The following DCTN4 variants were observed in gnomAD, a reference collection of about 807,000 sequenced individuals.
DCTN4 encodes dynactin 4 (p62).
A neutral mutation model predicts 62.7 loss-of-function variants in DCTN4; 23 were observed. That is an observed-to-expected ratio of 0.37 (90% CI 0.26 to 0.52). The LOEUF is 0.52. Among genes scored for constraint, DCTN4 ranks in the 20% least tolerant of loss-of-function variants. The pLI, the probability that DCTN4 is intolerant of heterozygous loss-of-function variation, is 0.92. For synonymous variants in DCTN4, 199 were observed against 202.1 expected (o/e 0.98, Z 0.13); for missense variants, 514 against 580.4 (o/e 0.89, Z 1.18).
At position 150,733,414 on chromosome 5, in the gene DCTN4, C is replaced by T. The variant is rs1243341288; in HGVS notation, c.491G>A (p.Arg164His). The T allele has an allele frequency of 9.3e-6, 15 of 1,613,862 alleles. No individual in the cohort carries two copies. Among genetic ancestry groups the T allele is most frequent in the South Asian group, 2.2e-5 (2 of 91,064 alleles). The change falls in exon 5 of 13, where the codon CGC becomes CAC. Residue 164 changes from arginine to histidine, a missense_variant. By Grantham distance (29) the Arg-to-His change is conservative. Transcript: ENST00000447998. ...LAQKEKVERD[R>H]KKLARRRNYM... is the part of the protein sequence containing the mutation. ...GTTTCTACGTCGTGCCAGTTTCTTG[C>T]GATCTCGCTCAACCTTCTCTTTCTG...
intron 1 of DCTN4, 93 bp from the exon 2 acceptor site, chr5:150,756,580 T>C (rs1042915353): frequency 1.7e-5 from 12 of 696,794 alleles, no homozygotes; most frequent in Non-Finnish European, 2.8e-5. Flanking sequence ...TAAAATATGT[T>C]ATACTGTAGC....
At chr5:150,749,559 T>C (rs1456057444) in intron 3 of DCTN4, among the ~76,000 whole-genome samples, 1 of 152,156 alleles carries the variant, frequency 6.6e-6, no homozygotes, top group Admixed American at 6.5e-5. Context: ...TTCATGCTTT[T>C]AATCCCAGCA....
At chr5:150,713,855 G>C (rs949841875) in intron 12 of DCTN4, among the ~76,000 whole-genome samples, 5 of 152,038 alleles carry the variant, frequency 3.3e-5, no homozygotes, top group African/African-American at 1.2e-4. Context: ...GGTGGCTCAC[G>C]CCTGTAATCC....
intron 8 of DCTN4, among the ~76,000 whole-genome samples, chr5:150,727,866 T>C (rs1414909496): frequency 1.3e-5 from 2 of 151,750 alleles, no homozygotes; most frequent in Non-Finnish European, 2.9e-5. Context: ...TGAAATAACA[T>C]TTCAGCTAAA....
At chr5:150,715,878 C>A (rs1362637333) in intron 11 of DCTN4, among the ~76,000 whole-genome samples, 1 of 151,982 alleles carries the variant, frequency 6.6e-6, no homozygotes, top group East Asian at 1.9e-4. Flanking sequence ...AACATGGGGG[C>A]TTCAATTGTG....
intron 4 of DCTN4, among the ~76,000 whole-genome samples, chr5:150,741,164 CAA>C (rs754641920): frequency 4.3e-4 from 25 of 58,336 alleles, no homozygotes; most frequent in African/African-American, 8.2e-4. Flanking sequence ...GATCCTGTCT[CAA>C]AAAAAAAAAA....
chr5:150,750,355 A>C (rs573668422), intron 3 of DCTN4, among the ~76,000 whole-genome samples: 6 of 152,366 alleles, frequency 3.9e-5, no homozygotes, highest in Admixed American at 1.3e-4. Flanking sequence ...CTGGAGCTAC[A>C]GGTAGTTTAC....
At chr5:150,755,694 C>A (rs1203985912) in intron 2 of DCTN4, 1 of 407,646 alleles carries the variant, frequency 2.5e-6, no homozygotes. Context: ...TATCACACCA[C>A]ACCCAAGAGG....
At chr5:150,711,826 T>C (rs1455956263) in intron 12 of DCTN4, among the ~76,000 whole-genome samples, 1 of 152,106 alleles carries the variant, frequency 6.6e-6, no homozygotes, top group Admixed American at 6.5e-5. Flanking sequence ...GCCATATATT[T>C]TTCTATGAGC....
At chr5:150,736,207 C>T (rs896524688) in intron 4 of DCTN4, 2 of 152,118 alleles carry the variant, frequency 1.3e-5, no homozygotes, top group Non-Finnish European at 2.9e-5. Context: ...TAGAAGAAAA[C>T]TTCCCTGGCC....
chr5:150,731,824 G>A (rs1323313746), intron 5 of DCTN4: 2 of 1,453,256 alleles, frequency 1.4e-6, no homozygotes, highest in East Asian at 2.5e-5. Flanking sequence ...CGTCTTCCTG[G>A]AACACCAGTG....
chr5:150,711,688 C>T (rs190668398), intron 12 of DCTN4, among the ~76,000 whole-genome samples: 164 of 152,042 alleles, frequency 1.1e-3, no homozygotes, highest in African/African-American at 2.3e-3. Context: ...TATATTAATA[C>T]GTATATTTTT....
chr5:150,754,960 C>A (rs1222923027), intron 2 of DCTN4, among the ~76,000 whole-genome samples: 2 of 141,660 alleles, frequency 1.4e-5, no homozygotes, highest in African/African-American at 5.9e-5. Flanking sequence ...GAGACCCTGT[C>A]TCAAAAAAAA....
At chr5:150,738,762 G>A (rs1401742467) in intron 4 of DCTN4, among the ~76,000 whole-genome samples, 1 of 152,166 alleles carries the variant, frequency 6.6e-6, no homozygotes, top group African/African-American at 2.4e-5. Context: ...CTTAGCCAGA[G>A]CAATCAGACA....
chr5:150,710,787 T>G lies in DCTN4; in HGVS notation c.*362A>C. 4.1e-6 allele frequency: 1 copy of G among 241,382 alleles called. No homozygotes were observed. The highest frequency in any genetic ancestry group is 6.9e-5 in the South Asian group (1 of 14,446). 15.0% of individuals were successfully genotyped at this position (241,382 alleles called of 1,614,324 possible). Reference sequence around the variant, plus strand: ...TATCATTTAAGTTTCATCTGTGACATTGTGATCCTTAGTGAGATCAGATCA... The same window carrying G: ...TATCATTTAAGTTTCATCTGTGACAGTGTGATCCTTAGTGAGATCAGATCA... On this transcript the variant is annotated 3_prime_UTR_variant, in exon 13 of 13. Coordinates refer to ENST00000447998, the MANE Select transcript of DCTN4 (RefSeq NM_016221.4).
intron 5 of DCTN4, 92 bp downstream of exon 5, chr5:150,733,276 T>C (rs1415769166): frequency 1.2e-5 from 10 of 820,588 alleles, no homozygotes; most frequent in Non-Finnish European, 1.8e-5. Flanking sequence ...ATATCCACCA[T>C]TCAGGAATCT....
intron 5 of DCTN4, among the ~76,000 whole-genome samples, chr5:150,732,362 A>G (rs887170185): frequency 6.6e-6 from 1 of 152,040 alleles, no homozygotes; most frequent in African/African-American, 2.4e-5. Context: ...TGTTGGCCAG[A>G]CTGGTCTTGA....
chr5:150,755,689 C>T, intron 2 of DCTN4: 1 of 411,888 alleles, frequency 2.4e-6, no homozygotes, highest in South Asian at 1.8e-5. Context: ...TCTCCTATCA[C>T]ACCACACCCA....
In DCTN4 at chr5:150,758,884, C is replaced by T. The variant is rs1752960648; in HGVS notation, c.110G>A (p.Arg37Gln). ...CTCGTGAGACACACATTCCAGCGACCGCAGTTCGCTACAATAGCGGCAGAA... is the reference window on the plus strand; with the variant it reads ...CTCGTGAGACACACATTCCAGCGACTGCAGTTCGCTACAATAGCGGCAGAA... ...LYFCRYCSEL[R>Q]SLECVSHEVD... The change falls in exon 1 of 13, where the codon CGG (arginine) becomes CAG (glutamine). Residue 37 changes from arginine to glutamine, a missense_variant. Transcript: ENST00000447998. 6.2e-7 allele frequency: 1 copy of T among 1,614,000 alleles called. No individual in the cohort carries two copies. The highest frequency in any genetic ancestry group is 1.7e-5 in the Admixed American group (1 of 60,004).
Sources: allele counts gnomAD v4.1 joint callset (sites outside exome capture counted in the v4.1 genomes callset), GRCh38; gene constraint gnomAD v4.1.1; transcripts MANE v1.5; gene names NCBI Gene and HGNC (gene_info 2026-07-23, HGNC 2026-07-21).